The following MYO9A variants were observed in gnomAD, a reference collection of about 807,000 sequenced individuals.
The protein encoded by MYO9A is myosin IXA, also known as unconventional myosin-IXa.
Under a neutral mutation model 293.3 loss-of-function variants are expected in MYO9A, and 103 were observed. The observed-to-expected ratio is 0.35, with a 90% confidence interval of 0.30 to 0.41. The LOEUF is 0.41. MYO9A is among the 10% of genes least tolerant of loss of function. The pLI is 1.00. For missense variants in MYO9A, 2,685 were observed against 3,033.0 expected, an observed-to-expected ratio of 0.89 and a Z score of 2.69; for synonymous variants, 1,001 against 1,035.7, an observed-to-expected ratio of 0.97 and a Z score of 0.64.
chr15:71,864,738 T>C (rs2056265475), intron 32 of MYO9A, among the ~76,000 whole-genome samples: 1 of 152,216 alleles, frequency 6.6e-6, no homozygotes, highest in African/African-American at 2.4e-5. Flanking sequence ...AACCACAGTG[T>C]ATTATTCTAT....
chr15:71,880,290 A>C, intron 29 of MYO9A, 45 bp downstream of exon 29: 2 of 1,523,994 alleles, frequency 1.3e-6, no homozygotes, highest in Non-Finnish European at 1.8e-6. Context: ...CAAGTATTCC[A>C]TACACAGAGC....
At chr15:71,892,415 G>A (rs2057204048) in intron 26 of MYO9A, 1 of 152,228 alleles carries the variant, frequency 6.6e-6, no homozygotes, top group Admixed American at 6.5e-5. Context: ...ATGTAAAAGT[G>A]CATTGTAGCT....
chr15:72,057,648 C>T (rs2078759464), intron 1 of MYO9A, among the ~76,000 whole-genome samples: 2 of 152,134 alleles, frequency 1.3e-5, no homozygotes, highest in African/African-American at 4.8e-5. Flanking sequence ...CTGCAACTGT[C>T]GGAAAAGAAG....
intron 16 of MYO9A, among the ~76,000 whole-genome samples, chr15:71,935,903 T>TACACAC (rs66924608): frequency 0.035 from 5,110 of 148,032 alleles, 112 homozygotes; most frequent in East Asian, 0.053. Context: ...AGGTCTTATT[T>TACACAC]ACACACACAC....
intron 1 of MYO9A, among the ~76,000 whole-genome samples, chr15:72,098,518 A>G (rs2150781612): frequency 6.6e-6 from 1 of 152,364 alleles, no homozygotes; most frequent in South Asian, 2.1e-4. Flanking sequence ...AATAAATAAC[A>G]AAACTACATT....
chr15:71,968,173 G>A, intron 12 of MYO9A, 48 bp from the exon 13 acceptor site: 3 of 1,466,100 alleles, frequency 2.0e-6, no homozygotes, highest in Non-Finnish European at 1.8e-6. Flanking sequence ...AGATGAGAAA[G>A]ATGCGGTAAT....
In MYO9A at chr15:72,045,667, C is replaced by G. The variant is rs568370642; in HGVS notation, c.840+57G>C. The G allele has an allele frequency of 1.1e-5, 17 of 1,495,038 alleles. No individual in the cohort carries two copies. In the East Asian group the frequency reaches 1.9e-4, roughly 17 times the overall value. The allele number at this position is 1,495,038 out of a possible 1,614,324, so 92.6% of individuals were successfully genotyped here. On this transcript the variant is annotated intron_variant, in intron 2 of 41. Transcript: ENST00000356056. ...TACCTCCAGGAATGGTACACCCCCCCACCTCAAAGGATAAAAATCAAAATT... is the reference window on the plus strand; with the variant it reads ...TACCTCCAGGAATGGTACACCCCCCGACCTCAAAGGATAAAAATCAAAATT...
At chr15:71,970,217 T>C (rs1442370265) in intron 12 of MYO9A, among the ~76,000 whole-genome samples, 2 of 152,342 alleles carry the variant, frequency 1.3e-5, no homozygotes, top group Non-Finnish European at 2.9e-5. Flanking sequence ...TATGGGAAGA[T>C]TGATACTATT....
At chr15:71,928,295 T>A (rs2145544044) in intron 18 of MYO9A, among the ~76,000 whole-genome samples, 1 of 150,524 alleles carries the variant, frequency 6.6e-6, no homozygotes, top group African/African-American at 2.4e-5. Flanking sequence ...GCCAGGATAG[T>A]CTCGATCTCC....
chr15:71,929,294 G>A (rs2058413636), intron 18 of MYO9A, among the ~76,000 whole-genome samples: 1 of 151,996 alleles, frequency 6.6e-6, no homozygotes, highest in South Asian at 2.1e-4. Context: ...CCTAATTTCT[G>A]TGGCTAACAA....
chr15:71,906,345 A>G (rs759924514), intron 19 of MYO9A, among the ~76,000 whole-genome samples: 2 of 152,156 alleles, frequency 1.3e-5, no homozygotes, highest in Non-Finnish European at 2.9e-5. Context: ...TAATTGTTCT[A>G]TTTAAGTCTT....
chr15:72,101,532 C>T (rs2080322997), intron 1 of MYO9A, among the ~76,000 whole-genome samples: 1 of 129,820 alleles, frequency 7.7e-6, no homozygotes, highest in Non-Finnish European at 1.7e-5. Context: ...CAGCCCCCCG[C>T]CCGGCCAGCC....
intron 39 of MYO9A, 24 bp downstream of exon 39, chr15:71,848,821 A>C: frequency 6.3e-7 from 1 of 1,584,132 alleles, no homozygotes; most frequent in Non-Finnish European, 8.5e-7. Flanking sequence ...CCATTTTTCC[A>C]CTATTCCATG....
chr15:71,902,925 TAC>T lies in MYO9A; in HGVS notation c.3000+14_3000+15del, dbSNP rs1567250266. On this transcript the variant is annotated intron_variant, in intron 22 of 41. Coordinates refer to ENST00000356056, the MANE Select transcript of MYO9A (RefSeq NM_006901.4). ...ATGCACTCAATTTTGACCAGAGCTA[TAC>T]AGATTATATTTACCATGGTTTTTCC... 6.4e-7 allele frequency: 1 copy of T among 1,553,460 alleles called. No homozygotes were observed. The highest frequency in any genetic ancestry group is 2.3e-5 in the East Asian group (1 of 44,206).
At chr15:71,835,850 A>C (rs1189222595) in intron 39 of MYO9A, among the ~76,000 whole-genome samples, 1 of 152,138 alleles carries the variant, frequency 6.6e-6, no homozygotes, top group African/African-American at 2.4e-5. Context: ...AGTTATTTTT[A>C]GAAAGCTAGG....
intron 2 of MYO9A, among the ~76,000 whole-genome samples, chr15:72,038,606 C>A (rs984193450): frequency 6.6e-6 from 1 of 152,176 alleles, no homozygotes; most frequent in Non-Finnish European, 1.5e-5. Context: ...TAACTACACA[C>A]ACACAAAAAG....
chr15:71,879,504 C>T (rs1353925453), intron 30 of MYO9A, among the ~76,000 whole-genome samples: 3 of 152,182 alleles, frequency 2.0e-5, no homozygotes, highest in Non-Finnish European at 4.4e-5. Flanking sequence ...GAAAAAGCTA[C>T]TCAAGGAAAT....
At chr15:72,054,973 A>T (rs750397296) in intron 1 of MYO9A, among the ~76,000 whole-genome samples, 9 of 152,082 alleles carry the variant, frequency 5.9e-5, no homozygotes, top group Non-Finnish European at 1.0e-4. Context: ...TTGAGATAAG[A>T]TGTGACGAGA....
chr15:71,832,760 C>A (rs191600950), intron 39 of MYO9A, among the ~76,000 whole-genome samples: 2 of 152,048 alleles, frequency 1.3e-5, no homozygotes, highest in Admixed American at 1.3e-4. Flanking sequence ...GGCAATGAAA[C>A]GTGAGTATGT....
Sources: gnomAD v4.1 joint callset for allele counts (sites outside exome capture counted in the v4.1 genomes callset) on GRCh38, gnomAD v4.1.1 for gene constraint, MANE v1.5 for transcripts, NCBI Gene and HGNC (gene_info 2026-07-23, HGNC 2026-07-21) for gene names.